Variants in PTPRR observed in about 807,000 individuals in gnomAD.
PTPRR encodes protein tyrosine phosphatase receptor type R.
PTPRR carries 38 observed loss-of-function variants against 77.2 expected under a neutral mutation model. The ratio of observed to expected loss-of-function variants is 0.49; its 90% CI spans 0.38 to 0.65. The LOEUF is 0.65. Ranked by LOEUF, PTPRR falls within the 30% of genes least tolerant of loss-of-function variation. The pLI, the probability that PTPRR is intolerant of heterozygous loss-of-function variation, is 0.00. For missense variants in PTPRR, 744 were observed against 799.2 expected, an observed-to-expected ratio of 0.93 and a Z score of 0.83; for synonymous variants, 299 against 283.1, an observed-to-expected ratio of 1.06 and a Z score of -0.57.
In PTPRR at chr12:70,754,827, AAT is replaced by A. The variant is rs1890521285; in HGVS notation, c.628-528_628-527del. ...TTAATCACATCTTTTTTTTTTTTCA[AAT>A]AGAGTCTCTGCTGTCAAAACCTGAC... On this transcript the variant is annotated intron_variant, in intron 4 of 13. Transcript: ENST00000283228. The A allele has an allele frequency of 1.3e-5, 16 of 1,240,330 alleles. 1 individual carries two copies. Among genetic ancestry groups the A allele is most frequent in the South Asian group, 7.6e-5 (5 of 65,840 alleles). 76.8% of individuals were successfully genotyped at this position (1,240,330 alleles called of 1,614,324 possible).
chr12:70,860,486 T>C (rs10506612), intron 2 of PTPRR, among the ~76,000 whole-genome samples: 7,389 of 152,188 alleles, frequency 0.049, 611 homozygotes, highest in African/African-American at 0.17. Flanking sequence ...GGATACTTAG[T>C]TACATGTGGA....
intron 2 of PTPRR, among the ~76,000 whole-genome samples, chr12:70,877,090 A>G (rs979409912): frequency 2.0e-5 from 3 of 152,178 alleles, no homozygotes; most frequent in Admixed American, 6.6e-5. Flanking sequence ...GTCTCAGAGG[A>G]ACTGACGTGC....
chr12:70,849,600 A>G lies in PTPRR; in HGVS notation c.357+43079T>C, dbSNP rs774889117. Among the ~76,000 whole-genome samples the G allele has an allele frequency of 4.1e-4, 62 of 152,236 alleles. 1 individual carries two copies. Among genetic ancestry groups the G allele is most frequent in the Non-Finnish European group, 3.1e-4 (21 of 68,038 alleles). On this transcript the variant is annotated intron_variant, in intron 2 of 13. Coordinates refer to ENST00000283228, the MANE Select transcript of PTPRR (RefSeq NM_002849.4). ...AAAAGGAAAGGGGTTTTGTTTTTAC[A>G]TTATAATTTACAACATATTTTGACA... is the stretch of plus-strand genomic sequence containing the variant.
chr12:70,813,274 G>A (rs1016749212), intron 2 of PTPRR, among the ~76,000 whole-genome samples: 4 of 152,176 alleles, frequency 2.6e-5, no homozygotes, highest in African/African-American at 9.7e-5. Context: ...AAGATTAAAT[G>A]AAAACTCTAC....
chr12:70,673,598 T>C (rs931090982), intron 10 of PTPRR, among the ~76,000 whole-genome samples: 1 of 152,178 alleles, frequency 6.6e-6, no homozygotes, highest in African/African-American at 2.4e-5. Context: ...TAAATTATGG[T>C]GCTATGTTGA....
chr12:70,916,403 G>A (rs1893776495), intron 1 of PTPRR, among the ~76,000 whole-genome samples: 1 of 152,154 alleles, frequency 6.6e-6, no homozygotes, highest in South Asian at 2.1e-4. Flanking sequence ...CTAGACCATT[G>A]TAAGGTCTAT....
chr12:70,811,584 C>G (rs1056434201), intron 2 of PTPRR, among the ~76,000 whole-genome samples: 17 of 152,282 alleles, frequency 1.1e-4, no homozygotes, highest in African/African-American at 3.8e-4. Context: ...ACGCTGGTCT[C>G]CAGGCCACTT....
intron 6 of PTPRR, among the ~76,000 whole-genome samples, chr12:70,723,684 C>T (rs1889338045): frequency 6.6e-6 from 1 of 152,046 alleles, no homozygotes; most frequent in South Asian, 2.1e-4. Context: ...AGAGAACCAA[C>T]CAAAGCATCA....
intron 2 of PTPRR, among the ~76,000 whole-genome samples, chr12:70,841,043 A>G (rs1173478715): frequency 7.0e-6 from 1 of 143,858 alleles, no homozygotes; most frequent in Non-Finnish European, 1.5e-5. Context: ...GTTCTTCTGC[A>G]CTGTCAGTAA....
intron 2 of PTPRR, among the ~76,000 whole-genome samples, chr12:70,882,565 A>G (rs117894211): frequency 1.0e-3 from 152 of 152,334 alleles, no homozygotes; most frequent in African/African-American, 3.3e-3. Context: ...TTTATTTATA[A>G]AAACTTTATT....
intron 2 of PTPRR, among the ~76,000 whole-genome samples, chr12:70,802,250 C>T (rs1278329517): frequency 6.6e-6 from 1 of 152,160 alleles, no homozygotes; most frequent in Admixed American, 6.5e-5. Context: ...TCTTTGCAAA[C>T]ATAATTTGTT....
intron 2 of PTPRR, among the ~76,000 whole-genome samples, chr12:70,783,079 G>A (rs1396011505): frequency 6.6e-6 from 1 of 152,146 alleles, no homozygotes; most frequent in Non-Finnish European, 1.5e-5. Flanking sequence ...CGATTTTCCG[G>A]CCAGAAACCT....
chr12:70,787,256 A>C (rs750795232), intron 2 of PTPRR, among the ~76,000 whole-genome samples: 1 of 152,240 alleles, frequency 6.6e-6, no homozygotes, highest in Non-Finnish European at 1.5e-5. Context: ...AACTGTTAGA[A>C]GTATATATAT....
intron 2 of PTPRR, among the ~76,000 whole-genome samples, chr12:70,776,508 A>G (rs1054958732): frequency 6.6e-6 from 1 of 152,184 alleles, no homozygotes; most frequent in African/African-American, 2.4e-5. Flanking sequence ...TTTCTAATGA[A>G]TGATCTTAAC....
In PTPRR at chr12:70,764,677, G is replaced by A. The variant is rs189132625; in HGVS notation, c.459C>T (p.Ile153=). Residue 153 remains isoleucine (I), a synonymous_variant, in exon 3 of 14, where the codon ATC becomes ATT. Transcript: ENST00000283228. The part of the protein sequence containing the change: ...ALGLLPQQVH[I]NRLIGKKNSI... ...GTGGGTATCTTACAATGAGGCGATTGATGTGCACTTGCTGGGGTAAGAGTC... is the reference window on the plus strand; with the variant it reads ...GTGGGTATCTTACAATGAGGCGATTAATGTGCACTTGCTGGGGTAAGAGTC... 1.9e-6 allele frequency: 3 copies of A among 1,612,216 alleles called. No individual in the cohort carries two copies. In the East Asian group the frequency reaches 6.7e-5, roughly 36 times the overall value.
At chr12:70,913,193 T>C (rs1893724946) in intron 1 of PTPRR, among the ~76,000 whole-genome samples, 1 of 152,182 alleles carries the variant, frequency 6.6e-6, no homozygotes, top group Non-Finnish European at 1.5e-5. Context: ...GGTGTAAGAA[T>C]GTCTTCTATG....
At chr12:70,814,129 T>C (rs1050824855) in intron 2 of PTPRR, among the ~76,000 whole-genome samples, 15 of 152,344 alleles carry the variant, frequency 9.8e-5, no homozygotes, top group African/African-American at 3.6e-4. Context: ...CTTTATAGTC[T>C]AAGAGGCAAA....
chr12:70,776,822 A>T (rs1891098673), intron 2 of PTPRR, among the ~76,000 whole-genome samples: 1 of 151,914 alleles, frequency 6.6e-6, no homozygotes, highest in African/African-American at 2.4e-5. Flanking sequence ...TGTTCCTTTC[A>T]GTTCTCCAGT....
intron 10 of PTPRR, among the ~76,000 whole-genome samples, chr12:70,677,605 G>A (rs1458279664): frequency 6.6e-6 from 1 of 152,134 alleles, no homozygotes; most frequent in Non-Finnish European, 1.5e-5. Flanking sequence ...TTTGTTGACA[G>A]TTCTTATCAT....
Sources: allele counts gnomAD v4.1 joint callset (sites outside exome capture counted in the v4.1 genomes callset), GRCh38; gene constraint gnomAD v4.1.1; transcripts MANE v1.5; gene names NCBI Gene and HGNC (gene_info 2026-07-23, HGNC 2026-07-21).